DHRS2: variants seen among roughly 807,000 people sequenced by gnomAD.
The protein encoded by DHRS2 is dehydrogenase/reductase SDR family member 2, mitochondrial.
In DHRS2, 29 loss-of-function variants were observed where a neutral mutation model predicts 26.3. That is an observed-to-expected ratio of 1.10 (90% confidence interval 0.82 to 1.50). The LOEUF is 1.50. Ranked by LOEUF, DHRS2 falls within the 40% of genes most tolerant of loss-of-function variation. The pLI is 0.00. For missense variants in DHRS2, 439 were observed against 367.1 expected (o/e 1.20, Z -1.60); for synonymous variants, 164 against 151.3 (o/e 1.08, Z -0.62).
intron 1 of DHRS2, among the ~76,000 whole-genome samples, chr14:23,631,296 G>A (rs1890111283): frequency 6.6e-6 from 1 of 152,022 alleles, no homozygotes; most frequent in Non-Finnish European, 1.5e-5. Flanking sequence ...GTTAATGCTG[G>A]TCAGTCATGC....
chr14:23,636,941 C>A (rs1455686910), intron 1 of DHRS2, among the ~76,000 whole-genome samples, 169 bp downstream of exon 1: 1 of 152,222 alleles, frequency 6.6e-6, no homozygotes, highest in Non-Finnish European at 1.5e-5. Context: ...CAACCCCTGG[C>A]TCTGTGGAGT....
Position 23,645,252 on chromosome 14 carries a change from G to A in DHRS2, c.842G>A (p.Ter281=), listed in dbSNP as rs1265983151. The stretch of plus-strand genomic sequence containing the variant: ...GTGGCAGGCTACTCCACTCGGCTCT[G>A]AGAGGAGTGGGGGCGGCTGCGTAGC... ...IAVAGYSTRL[*] Residue 281 remains the stop codon, a stop_retained_variant, in exon 9 of 9, where the codon TGA becomes TAA. Transcript: ENST00000250383. 1 of 1,614,048 alleles carries A rather than the reference G, an allele frequency of 6.2e-7. No individual in the cohort carries two copies. Among genetic ancestry groups the A allele is most frequent in the East Asian group, 2.2e-5 (1 of 44,886 alleles).
At chr14:23,642,941 G>A in intron 4 of DHRS2, 1 of 538,564 alleles carries the variant, frequency 1.9e-6, no homozygotes, top group East Asian at 3.3e-5. Context: ...TCAGGGCTCT[G>A]CTCACAGGCC....
At position 23,644,467 on chromosome 14, in the gene DHRS2, C is replaced by T. The variant is rs1267667663; in HGVS notation, c.599C>T (p.Ala200Val). 4 of 1,614,112 alleles carry T rather than the reference C, an allele frequency of 2.5e-6. No individual in the cohort carries two copies. The highest frequency in any genetic ancestry group is 3.4e-6 in the Non-Finnish European group (4 of 1,180,052). ...CTGCTGGGTCTCACTAGAACACTGG[C>T]ATTGGAGCTGGCCCCCAAGGACATC... is the stretch of plus-strand genomic sequence containing the variant. ...TALLGLTRTL[A>V]LELAPKDIRV... The change falls in exon 7 of 9, where the codon GCA becomes GTA. Residue 200 changes from alanine to valine, a missense_variant. Physicochemically the swap from Ala to Val is moderately conservative, Grantham distance 64. Transcript: ENST00000250383.
chr14:23,639,976 G>A (rs904544339), intron 4 of DHRS2, 81 bp downstream of exon 4: 2 of 1,239,154 alleles, frequency 1.6e-6, no homozygotes, highest in Non-Finnish European at 2.1e-6. Flanking sequence ...TGCCCACCAA[G>A]ACTCTGTTTC....
At position 23,638,801 on chromosome 14, in the gene DHRS2, T is replaced by A. The variant is rs983134978; in HGVS notation, c.-38-26T>A. On this transcript the variant is annotated intron_variant, in intron 1 of 8. Transcript: ENST00000250383. ...TTCATGCTCACTGAGGCATCAGTGA[T>A]AAGTGAAATTGATTCTTTCCCCCAG... The A allele has an allele frequency of 3.8e-6, 6 of 1,576,736 alleles. No homozygotes were observed. The African/African-American group carries it at 4.0e-5, about 11-fold the overall frequency.
At chr14:23,641,870 G>A in intron 4 of DHRS2, 1 of 1,223,632 alleles carries the variant, frequency 8.2e-7, no homozygotes, top group Non-Finnish European at 1.0e-6. Flanking sequence ...TTGCAGATGT[G>A]GTCTCATTCC....
intron 4 of DHRS2, 129 bp downstream of exon 4, chr14:23,640,024 A>G (rs1399562053): frequency 1.1e-6 from 1 of 870,806 alleles, no homozygotes; most frequent in Non-Finnish European, 1.6e-6. Flanking sequence ...CCTGGGTGGT[A>G]GTCCTGCCTG....
In DHRS2 at chr14:23,639,023, A is replaced by C. The variant is rs369887257; in HGVS notation, c.140+19A>C. The C allele has an allele frequency of 6.2e-7, 1 of 1,611,564 alleles. No individual in the cohort carries two copies. The highest frequency in any genetic ancestry group is 8.5e-7 in the Non-Finnish European group (1 of 1,179,402). ...CCAGTGGGTGAGTGCTGGATTGCCC[A>C]TGGGTCCTGGCCCCTCACAGGGTCC... On this transcript the variant is annotated intron_variant, in intron 2 of 8. Coordinates refer to ENST00000250383, the MANE Select transcript of DHRS2 (RefSeq NM_005794.4).
At position 23,636,551 on chromosome 14, in the gene DHRS2, C is replaced by T. The variant is rs549492376; in HGVS notation, c.-260C>T. The T allele has an allele frequency of 6.6e-6, 1 of 152,320 alleles. No individual in the cohort carries two copies. Among genetic ancestry groups the T allele is most frequent in the African/African-American group, 2.4e-5 (1 of 41,544 alleles). 9.4% of individuals were successfully genotyped at this position (152,320 alleles called of 1,614,324 possible). A position where few individuals can be genotyped will look rare whatever the true frequency, so the allele number is the denominator to read the frequency against. On this transcript the variant is annotated 5_prime_UTR_variant, in exon 1 of 9. Coordinates refer to ENST00000250383, the MANE Select transcript of DHRS2 (RefSeq NM_005794.4). ...AATGCACCGAGAGGAATGAACAACT[C>T]TGGACACACCATCTTTAAGAACCGT...
At chr14:23,634,349 G>A (rs1249504887), upstream of DHRS2, among the ~76,000 whole-genome samples, 1 of 152,092 alleles carries the variant, frequency 6.6e-6, no homozygotes, top group African/African-American at 2.4e-5. Context: ...TTACAGGCAT[G>A]AGCCACCGTG....
rs1028944554 is a variant in DHRS2 at position 23,639,300 on chromosome 14, G to A, written c.262G>A (p.Ala88Thr). Reference protein sequence around the residue: ...AKLQGEGLSVAGIVCHVGKAE... With the variant: ...AKLQGEGLSVTGIVCHVGKAE... ...GCTGCAGGGGGAGGGGCTGAGTGTG[G>A]CGGGCATTGTGTGCCACGTGGGGAA... The change falls in exon 3 of 9, where the codon GCG (alanine) becomes ACG (threonine). Residue 88 changes from alanine to threonine, a missense_variant. Ala to Thr is a moderately conservative substitution (Grantham distance 58, BLOSUM62 0). Coordinates refer to ENST00000250383, the MANE Select transcript of DHRS2 (RefSeq NM_005794.4). 6.3e-7 allele frequency: 1 copy of A among 1,599,294 alleles called. No individual in the cohort carries two copies. The highest frequency in any genetic ancestry group is 8.5e-7 in the Non-Finnish European group (1 of 1,173,348).
chr14:23,644,742 T>C, intron 7 of DHRS2, 85 bp from the exon 8 acceptor site: 1 of 1,530,058 alleles, frequency 6.5e-7, no homozygotes, highest in South Asian at 1.1e-5. Context: ...AAAGCTGCCC[T>C]AGGTGTTCTG....
At chr14:23,634,275 C>G (rs1047563712), upstream of DHRS2, among the ~76,000 whole-genome samples, 1 of 152,034 alleles carries the variant, frequency 6.6e-6, no homozygotes, top group African/African-American at 2.4e-5. Context: ...ACCATGTTGG[C>G]TAGGCTGGTC....
In DHRS2 at chr14:23,639,909, C is replaced by G. The variant is rs1231738457; in HGVS notation, c.420+14C>G. 6.4e-7 allele frequency: 1 copy of G among 1,564,758 alleles called. No homozygotes were observed. The highest frequency in any genetic ancestry group is 1.4e-5 in the African/African-American group (1 of 72,186). On this transcript the variant is annotated intron_variant, in intron 4 of 8. Coordinates refer to ENST00000250383, the MANE Select transcript of DHRS2 (RefSeq NM_005794.4). ...ATCTGGGACAAGGTGAGAGGCCTCC[C>G]CTGGGGAGGCGGCTGAGGGCCCGAT...
chr14:23,644,285 C>T lies in DHRS2; in HGVS notation c.540+123C>T, dbSNP rs1890784319. Reference sequence around the variant, plus strand: ...CCCACCATCCTCCTGCTGCCCTGGGCTGAGCTTGTCTCCATGTGGGTGGGA... The same window carrying T: ...CCCACCATCCTCCTGCTGCCCTGGGTTGAGCTTGTCTCCATGTGGGTGGGA... On this transcript the variant is annotated intron_variant, in intron 6 of 8. Coordinates refer to ENST00000250383, the MANE Select transcript of DHRS2 (RefSeq NM_005794.4). The T allele has an allele frequency of 3.9e-6, 6 of 1,553,436 alleles. No homozygotes were observed. In the East Asian group the frequency reaches 1.1e-4, roughly 29 times the overall value.
At chr14:23,642,259 A>C (rs1401544302) in intron 4 of DHRS2, 10 of 651,692 alleles carry the variant, frequency 1.5e-5, no homozygotes, top group Non-Finnish European at 1.9e-5. Flanking sequence ...CAAATAATAG[A>C]ATAAATGCTC....
In DHRS2 at chr14:23,643,134, G is replaced by A; in HGVS notation, c.421-18G>A. Reference sequence around the variant, plus strand: ...ACCATGTCTCTCTGCCCTCACCCATGCTCTGCTCTGATTTCAGATCCTAAG... The same window carrying A: ...ACCATGTCTCTCTGCCCTCACCCATACTCTGCTCTGATTTCAGATCCTAAG... On this transcript the variant is annotated intron_variant, in intron 4 of 8. Coordinates refer to ENST00000250383, the MANE Select transcript of DHRS2 (RefSeq NM_005794.4). The A allele has an allele frequency of 6.2e-7, 1 of 1,613,822 alleles. No homozygotes were observed. The highest frequency in any genetic ancestry group is 1.3e-5 in the African/African-American group (1 of 75,054).
rs45599632 is a variant in DHRS2 at position 23,639,288 on chromosome 14, G to T, written c.250G>T (p.Gly84Trp). 3 of 1,606,462 alleles carry T rather than the reference G, an allele frequency of 1.9e-6. No individual in the cohort carries two copies. The Admixed American group carries it at 5.1e-5, about 27-fold the overall frequency. ...GGCCATGGCCAAGCTGCAGGGGGAGGGGCTGAGTGTGGCGGGCATTGTGTG... is the reference window on the plus strand; with the variant it reads ...GGCCATGGCCAAGCTGCAGGGGGAGTGGCTGAGTGTGGCGGGCATTGTGTG... ...DRAMAKLQGE[G>W]LSVAGIVCHV... is the part of the protein sequence containing the mutation. The change falls in exon 3 of 9, where the codon GGG becomes TGG. Residue 84 changes from glycine (G) to tryptophan (W), a missense_variant. Physicochemically the swap from Gly to Trp is radical, Grantham distance 184 (BLOSUM62 -2). Coordinates refer to ENST00000250383, the MANE Select transcript of DHRS2 (RefSeq NM_005794.4).
Sources: allele counts gnomAD v4.1 joint callset (sites outside exome capture counted in the v4.1 genomes callset), GRCh38; gene constraint gnomAD v4.1.1; transcripts MANE v1.5; gene names NCBI Gene and HGNC (gene_info 2026-07-23, HGNC 2026-07-21).